The following ATG7 variants were observed in gnomAD, a reference collection of about 807,000 sequenced individuals.
The protein encoded by ATG7 is autophagy related 7, also known as ubiquitin-like modifier-activating enzyme ATG7.
A neutral mutation model predicts 82.4 loss-of-function variants in ATG7; 70 were observed. That is an observed-to-expected ratio of 0.85 (90% CI 0.70 to 1.04). ATG7 has a LOEUF of 1.04. Among genes scored for constraint, ATG7 ranks in the 50% least tolerant of loss-of-function variants. ATG7 has a pLI of 0.00. For missense variants in ATG7, 792 were observed against 864.3 expected (o/e 0.92, Z 1.05); for synonymous variants, 287 against 313.0 (o/e 0.92, Z 0.88).
At chr3:11,382,930 T>C (rs1048957692) in intron 19 of ATG7, among the ~76,000 whole-genome samples, 2 of 152,174 alleles carry the variant, frequency 1.3e-5, no homozygotes, top group Non-Finnish European at 2.9e-5. Flanking sequence ...AATCCCTCCT[T>C]CTTCCCTTCC....
intron 19 of ATG7, among the ~76,000 whole-genome samples, chr3:11,408,974 G>C (rs2080627313): frequency 6.6e-6 from 1 of 152,080 alleles, no homozygotes; most frequent in South Asian, 2.1e-4. Context: ...TAAGATCTTT[G>C]GCTCATTTTT....
chr3:11,299,844 A>G lies in ATG7; in HGVS notation c.215+428A>G, dbSNP rs796750400. On this transcript the variant is annotated intron_variant, in intron 5 of 20. Transcript: ENST00000693202. ...TGTGCAAGGCATTATAGTGCTATAT[A>G]AAGGAATATGATAGATATATCCTTG... Among the ~76,000 whole-genome samples the G allele has an allele frequency of 5.3e-5, 8 of 152,282 alleles. 1 individual carries two copies. Among genetic ancestry groups the G allele is most frequent in the African/African-American group, 1.9e-4 (8 of 41,544 alleles).
chr3:11,575,128 A>G, the ATG7 span, among the ~76,000 whole-genome samples: 3 of 152,154 alleles, frequency 2.0e-5, no homozygotes, highest in African/African-American at 4.8e-5. Context: ...GCCTGGGGCC[A>G]TGTGGCTGGC....
At chr3:11,549,377 ACT>A (rs2071570474) in intron 20 of ATG7, among the ~76,000 whole-genome samples, 1 of 151,956 alleles carries the variant, frequency 6.6e-6, no homozygotes, top group Non-Finnish European at 1.5e-5. Flanking sequence ...CCTAAAATCT[ACT>A]CTTAGCAAAT....
rs116681939 is a variant in ATG7 at position 11,333,309 on chromosome 3, A to G, written c.889+216A>G. Among the ~76,000 whole-genome samples, 483 of 152,314 alleles carry G rather than the reference A, an allele frequency of 3.2e-3. 1 individual carries two copies. The highest frequency in any genetic ancestry group is 0.011 in the African/African-American group (462 of 41,568). On this transcript the variant is annotated intron_variant, in intron 11 of 20. Coordinates refer to ENST00000693202, the MANE Select transcript of ATG7 (RefSeq NM_001349232.2). Reference sequence around the variant, plus strand: ...AGATTGTGACCAGGAAATTTTCTCTAGGCAGTTTTTTCAGTCTTCAGGATT... The same window carrying G: ...AGATTGTGACCAGGAAATTTTCTCTGGGCAGTTTTTTCAGTCTTCAGGATT...
At chr3:11,524,547 C>T (rs2092524271) in intron 20 of ATG7, among the ~76,000 whole-genome samples, 1 of 152,016 alleles carries the variant, frequency 6.6e-6, no homozygotes, top group African/African-American at 2.4e-5. Flanking sequence ...TCACTTGAGC[C>T]CAGGAGTTCG....
At chr3:11,546,777 T>C (rs1016392562) in intron 20 of ATG7, among the ~76,000 whole-genome samples, 1 of 152,196 alleles carries the variant, frequency 6.6e-6, no homozygotes, top group African/African-American at 2.4e-5. Context: ...CTTCCCCTAA[T>C]GCAGAGTGGC....
intron 20 of ATG7, among the ~76,000 whole-genome samples, chr3:11,437,245 C>T (rs1479831039): frequency 2.0e-5 from 3 of 152,182 alleles, no homozygotes; most frequent in Admixed American, 6.5e-5. Context: ...TAGATTATGA[C>T]AAGGATCTCT....
At chr3:11,447,026 C>T (rs1242334840) in intron 20 of ATG7, 1 of 152,222 alleles carries the variant, frequency 6.6e-6, no homozygotes, top group African/African-American at 2.4e-5. Context: ...ACTTGGGTGG[C>T]ACCTTGTCTT....
chr3:11,555,498 C>A lies in ATG7; in HGVS notation c.*655C>A. On this transcript the variant is annotated 3_prime_UTR_variant, in exon 21 of 21. Coordinates refer to ENST00000693202, the MANE Select transcript of ATG7 (RefSeq NM_001349232.2). ...TCCACTGTGGGCATAGCATCTGTGC[C>A]TGCCTGCCTGCTTGAGGGAGAGGAG... The A allele has an allele frequency of 6.5e-6, 1 of 152,924 alleles. No individual in the cohort carries two copies. The highest frequency in any genetic ancestry group is 1.5e-5 in the Non-Finnish European group (1 of 68,644). The allele number at this position is 152,924 out of a possible 1,614,324, so 9.5% of individuals were successfully genotyped here.
intron 18 of ATG7, among the ~76,000 whole-genome samples, chr3:11,376,698 C>T (rs920632141): frequency 2.0e-5 from 3 of 152,068 alleles, no homozygotes; most frequent in Admixed American, 1.3e-4. Flanking sequence ...AGCAGAGGGA[C>T]CTTGGAGTGC....
intron 20 of ATG7, among the ~76,000 whole-genome samples, chr3:11,527,128 G>T (rs1273214857): frequency 6.7e-6 from 1 of 149,128 alleles, no homozygotes; most frequent in African/African-American, 2.5e-5. Flanking sequence ...TTTTTGAGGT[G>T]GAGTCTCACT....
chr3:11,570,456 G>A, the ATG7 span, among the ~76,000 whole-genome samples: 1 of 152,158 alleles, frequency 6.6e-6, no homozygotes, highest in Non-Finnish European at 1.5e-5. Context: ...AGGGGACCCC[G>A]GTCCCTGGCT....
intron 20 of ATG7, among the ~76,000 whole-genome samples, chr3:11,429,495 CAAAA>C (rs779332047): frequency 6.1e-5 from 9 of 146,830 alleles, no homozygotes; most frequent in Non-Finnish European, 1.4e-4. Flanking sequence ...GACTCCATCT[CAAAA>C]AAAAAATCAC....
intron 7 of ATG7, among the ~76,000 whole-genome samples, chr3:11,310,805 T>C (rs1190693985): frequency 6.6e-6 from 1 of 152,074 alleles, no homozygotes; most frequent in Non-Finnish European, 1.5e-5. Context: ...GCTAATTTTT[T>C]GTATTTTTAG....
the ATG7 span, among the ~76,000 whole-genome samples, chr3:11,567,353 G>A: frequency 2.6e-5 from 4 of 152,220 alleles, no homozygotes; most frequent in African/African-American, 7.2e-5. Context: ...GTGATTAGCT[G>A]TACAGGACCC....
chr3:11,432,969 A>G (rs2083043150), intron 20 of ATG7, among the ~76,000 whole-genome samples: 1 of 152,068 alleles, frequency 6.6e-6, no homozygotes, highest in African/African-American at 2.4e-5. Context: ...TCATGGAGCT[A>G]TTGAGGTTCT....
chr3:11,345,181 G>A (rs182835413), intron 13 of ATG7, among the ~76,000 whole-genome samples: 6 of 152,206 alleles, frequency 3.9e-5, no homozygotes, highest in African/African-American at 7.2e-5. Flanking sequence ...CGAGGCGGGC[G>A]GATCATGAGG....
intron 2 of ATG7, among the ~76,000 whole-genome samples, 161 bp from the exon 3 acceptor site, chr3:11,282,032 G>T (rs1334450918): frequency 6.6e-6 from 1 of 152,142 alleles, no homozygotes; most frequent in Non-Finnish European, 1.5e-5. Flanking sequence ...AAATCCAGGT[G>T]GGTGTCTCTC....
Sources: allele counts gnomAD v4.1 joint callset (sites outside exome capture counted in the v4.1 genomes callset), GRCh38; gene constraint gnomAD v4.1.1; transcripts MANE v1.5; gene names NCBI Gene and HGNC (gene_info 2026-07-23, HGNC 2026-07-21).